The following VGLL4 variants were observed in gnomAD, a reference collection of about 807,000 sequenced individuals.
The protein encoded by VGLL4 is transcription cofactor vestigial-like protein 4.
Under a neutral mutation model 21.0 loss-of-function variants are expected in VGLL4, and 7 were observed. The ratio of observed to expected loss-of-function variants is 0.33; its 90% CI spans 0.19 to 0.63. The LOEUF (loss-of-function observed/expected upper bound fraction) is 0.63, where lower values mean the gene tolerates loss of function less well. Among genes scored for constraint, VGLL4 ranks in the 20% least tolerant of loss-of-function variants. The pLI is 0.78. For synonymous variants in VGLL4, 222 were observed against 173.2 expected (o/e 1.28, Z -2.21); for missense variants, 394 against 425.7 (o/e 0.93, Z 0.66).
chr3:11,569,896 G>T (rs538706424), intron 2 of VGLL4, among the ~76,000 whole-genome samples: 2 of 152,144 alleles, frequency 1.3e-5, no homozygotes, highest in Admixed American at 6.5e-5. Flanking sequence ...AAATAAGATT[G>T]CTAGCACATC....
intron 2 of VGLL4, among the ~76,000 whole-genome samples, chr3:11,599,543 A>G (rs7610531): frequency 0.95 from 45,287 of 47,892 alleles, 21,409 homozygotes; most frequent in African/African-American, 0.96. Context: ...TTTTTGAGAC[A>G]GAGTCTCGCT....
chr3:11,674,323 G>A (rs2076259642), intron 2 of VGLL4, among the ~76,000 whole-genome samples: 1 of 152,144 alleles, frequency 6.6e-6, no homozygotes, highest in Non-Finnish European at 1.5e-5. Context: ...GAACGAACGC[G>A]AAGAGGGATC....
intron 2 of VGLL4, among the ~76,000 whole-genome samples, chr3:11,663,652 T>C (rs1486601507): frequency 1.3e-5 from 2 of 151,718 alleles, no homozygotes; most frequent in Non-Finnish European, 2.9e-5. Context: ...TGGAACACAG[T>C]GGTTGCAGTA....
At chr3:11,566,215 TACAC>T (rs918825063) in intron 2 of VGLL4, among the ~76,000 whole-genome samples, 11 of 151,956 alleles carry the variant, frequency 7.2e-5, no homozygotes, top group Admixed American at 5.9e-4. Flanking sequence ...CACTGAATGT[TACAC>T]ACACGCACAC....
intron 1 of VGLL4, chr3:11,604,384 C>T: frequency 1.0e-6 from 1 of 956,968 alleles, no homozygotes; most frequent in Non-Finnish European, 1.2e-6. Context: ...TGCAATCAGA[C>T]AACGCCTCAT....
At chr3:11,571,615 C>T (rs1304864275) in intron 2 of VGLL4, among the ~76,000 whole-genome samples, 1 of 152,118 alleles carries the variant, frequency 6.6e-6, no homozygotes, top group Non-Finnish European at 1.5e-5. Context: ...TACAGTGAGC[C>T]ATGACAGAGC....
At chr3:11,657,712 T>C (rs1021220564) in intron 2 of VGLL4, among the ~76,000 whole-genome samples, 21 of 152,306 alleles carry the variant, frequency 1.4e-4, no homozygotes, top group African/African-American at 5.1e-4. Context: ...CTTTCACCCA[T>C]AAAAGTTTCA....
chr3:11,704,401 A>T (rs66801720), intron 1 of VGLL4, among the ~76,000 whole-genome samples: 1 of 142,706 alleles, frequency 7.0e-6, no homozygotes, highest in African/African-American at 2.6e-5. Flanking sequence ...AAAAAAAAAA[A>T]AAAAGAAAAA....
rs538289500 is a variant in VGLL4 at position 11,605,758 on chromosome 3, G to C, written c.83-3736C>G. 3.0e-4 allele frequency among the ~76,000 whole-genome samples: 45 copies of C among 152,242 alleles called. No homozygotes were observed. In the South Asian group the frequency reaches 8.1e-3, roughly 27 times the overall value. Reference sequence around the variant, plus strand: ...CAGTGCAGAGCACAACTGACCTACTGAATCAATGAGGCAAGGTGACAGGGT... The same window carrying C: ...CAGTGCAGAGCACAACTGACCTACTCAATCAATGAGGCAAGGTGACAGGGT... On this transcript the variant is annotated intron_variant, in intron 1 of 4. Transcript: ENST00000430365.
intron 1 of VGLL4, among the ~76,000 whole-genome samples, chr3:11,714,183 A>G (rs1157681966): frequency 6.6e-6 from 1 of 152,158 alleles, no homozygotes; most frequent in Non-Finnish European, 1.5e-5. Flanking sequence ...ATTACAACAC[A>G]TTTCACGGCC....
intron 2 of VGLL4, among the ~76,000 whole-genome samples, chr3:11,654,866 T>C (rs1231226579): frequency 6.6e-6 from 1 of 152,222 alleles, no homozygotes; most frequent in Non-Finnish European, 1.5e-5. Context: ...CAACTATATT[T>C]AGTAACATTA....
chr3:11,680,794 G>A (rs529492688), intron 2 of VGLL4, among the ~76,000 whole-genome samples: 1 of 152,352 alleles, frequency 6.6e-6, no homozygotes, highest in Admixed American at 6.5e-5. Context: ...CTTGCTGTGA[G>A]ACCACAGGCA....
chr3:11,604,236 C>G, intron 1 of VGLL4: 1 of 379,764 alleles, frequency 2.6e-6, no homozygotes, highest in Non-Finnish European at 3.6e-6. Context: ...AGCATCTCAG[C>G]TTGCCGGCGC....
In VGLL4 at chr3:11,558,475, ATT is replaced by A. The variant is rs369629845; in HGVS notation, c.*79_*80del. On this transcript the variant is annotated 3_prime_UTR_variant, in exon 5 of 5. Coordinates refer to ENST00000430365, the MANE Select transcript of VGLL4 (RefSeq NM_001128219.3). ...CCCTTCCCCCCACCCCACCCCCATG[ATT>A]TTTTTTTTTTTAAGTACTGACTGTT... 679 of 782,528 alleles carry A rather than the reference ATT, an allele frequency of 8.7e-4. No individual in the cohort carries two copies. Among genetic ancestry groups the A allele is most frequent in the East Asian group, 1.3e-3 (29 of 23,152 alleles). 48.5% of individuals were successfully genotyped at this position (782,528 alleles called of 1,614,324 possible). A position where few individuals can be genotyped will look rare whatever the true frequency, so the allele number is the denominator to read the frequency against.
At chr3:11,635,867 C>T (rs1257110545) in intron 1 of VGLL4, among the ~76,000 whole-genome samples, 1 of 152,162 alleles carries the variant, frequency 6.6e-6, no homozygotes, top group African/African-American at 2.4e-5. Flanking sequence ...GCTGCTATTA[C>T]ATATTCCTTA....
intron 1 of VGLL4, among the ~76,000 whole-genome samples, chr3:11,617,579 G>C (rs1235867038): frequency 2.0e-5 from 3 of 152,216 alleles, no homozygotes; most frequent in Non-Finnish European, 4.4e-5. Context: ...GCAGGTTGAA[G>C]ACACATTTTA....
intron 1 of VGLL4, among the ~76,000 whole-genome samples, chr3:11,616,387 A>G (rs939061746): frequency 7.9e-5 from 12 of 151,780 alleles, no homozygotes; most frequent in Admixed American, 5.9e-4. Context: ...GGTACTATTT[A>G]CAAACATTTT....
intron 2 of VGLL4, among the ~76,000 whole-genome samples, chr3:11,572,311 T>C (rs2073805826): frequency 2.0e-5 from 3 of 152,166 alleles, no homozygotes; most frequent in Admixed American, 6.5e-5. Context: ...TTTTCTAAGT[T>C]TACAAAACTA....
At chr3:11,677,932 G>GA (rs1327506717) in intron 2 of VGLL4, among the ~76,000 whole-genome samples, 2 of 141,322 alleles carry the variant, frequency 1.4e-5, no homozygotes, top group Non-Finnish European at 3.1e-5. Context: ...AAAAGGAAAA[G>GA]AAAAAACATC....
Sources: allele counts gnomAD v4.1 joint callset (sites outside exome capture counted in the v4.1 genomes callset), GRCh38; gene constraint gnomAD v4.1.1; transcripts MANE v1.5; gene names NCBI Gene and HGNC (gene_info 2026-07-23, HGNC 2026-07-21).